Variants in GRM5 observed in about 807,000 individuals in gnomAD.
GRM5 encodes glutamate metabotropic receptor 5.
GRM5 carries 19 observed loss-of-function variants against 83.1 expected under a neutral mutation model. That is an observed-to-expected ratio of 0.23 (90% CI 0.16 to 0.34). GRM5 has a LOEUF of 0.34. Ranked by LOEUF, GRM5 falls within the 10% of genes least tolerant of loss-of-function variation. The probability of loss-of-function intolerance (pLI) is 1.00; values close to 1 mark genes in which losing one functional copy is unlikely to be tolerated. For missense variants in GRM5, 1,160 were observed against 1,588.3 expected, an observed-to-expected ratio of 0.73 and a Z score of 4.58; for synonymous variants, 675 against 633.6, an observed-to-expected ratio of 1.07 and a Z score of -0.98.
intron 3 of GRM5, among the ~76,000 whole-genome samples, chr11:88,780,531 C>A (rs1942953888): frequency 6.6e-6 from 1 of 152,066 alleles, no homozygotes; most frequent in South Asian, 2.1e-4. Context: ...AATAATAGTA[C>A]TGAACACTTC....
intron 9 of GRM5, among the ~76,000 whole-genome samples, chr11:88,513,234 C>G (rs921067643): frequency 2.6e-5 from 4 of 152,148 alleles, no homozygotes; most frequent in African/African-American, 9.7e-5. Flanking sequence ...CTTGATGGGA[C>G]ATTATGAAGG....
At chr11:88,648,364 G>C (rs370955992) in intron 4 of GRM5, among the ~76,000 whole-genome samples, 2,940 of 146,476 alleles carry the variant, frequency 0.02, 81 homozygotes, top group East Asian at 0.12. Flanking sequence ...GGACATGGAT[G>C]AAATTGGAAA....
intron 3 of GRM5, among the ~76,000 whole-genome samples, chr11:88,657,872 T>G (rs1252664969): frequency 3.3e-5 from 5 of 152,204 alleles, no homozygotes; most frequent in Non-Finnish European, 7.3e-5. Context: ...CAGAAGTTTA[T>G]TTCAGCCTTT....
intron 2 of GRM5, among the ~76,000 whole-genome samples, chr11:88,956,698 C>T (rs904914735): frequency 1.3e-5 from 2 of 152,066 alleles, no homozygotes; most frequent in African/African-American, 2.4e-5. Flanking sequence ...CCCAGCTCCT[C>T]GAGAGGCTGA....
At chr11:88,845,916 C>T (rs1374192627) in intron 3 of GRM5, among the ~76,000 whole-genome samples, 1 of 152,076 alleles carries the variant, frequency 6.6e-6, no homozygotes, top group Non-Finnish European at 1.5e-5. Context: ...TAATATCTAC[C>T]TCTGGGGAAT....
At position 88,808,955 on chromosome 11, in the gene GRM5, C is replaced by A. The variant is rs563014608; in HGVS notation, c.911+40951G>T. On this transcript the variant is annotated intron_variant, in intron 3 of 9. Coordinates refer to ENST00000305447, the MANE Select transcript of GRM5 (RefSeq NM_001143831.3). ...GCATCCATGTTCCACTAATTAACATCCTTGTATATCCATGGGGAAGAATAG... is the reference window on the plus strand; with the variant it reads ...GCATCCATGTTCCACTAATTAACATACTTGTATATCCATGGGGAAGAATAG... Among the ~76,000 whole-genome samples the A allele has an allele frequency of 3.3e-5, 5 of 152,112 alleles. No homozygotes were observed. The South Asian group carries it at 1.0e-3, about 32-fold the overall frequency.
chr11:88,630,337 C>T (rs1366831820), intron 4 of GRM5, among the ~76,000 whole-genome samples: 1 of 152,058 alleles, frequency 6.6e-6, no homozygotes, highest in Non-Finnish European at 1.5e-5. Context: ...TCTAAAATGC[C>T]TACTGATACA....
intron 4 of GRM5, among the ~76,000 whole-genome samples, chr11:88,606,984 T>C (rs1322277341): frequency 2.0e-5 from 3 of 147,476 alleles, no homozygotes; most frequent in Admixed American, 6.8e-5. Context: ...ACAACAACTC[T>C]CCAAAGGTAG....
chr11:88,907,456 A>C (rs1407319793), intron 2 of GRM5, among the ~76,000 whole-genome samples: 1 of 152,208 alleles, frequency 6.6e-6, no homozygotes, highest in African/African-American at 2.4e-5. Context: ...GAATTCTGAA[A>C]ATAGAACAAA....
At chr11:89,012,048 T>C (rs1386378746) in intron 2 of GRM5, among the ~76,000 whole-genome samples, 2 of 152,148 alleles carry the variant, frequency 1.3e-5, no homozygotes, top group African/African-American at 2.4e-5. Context: ...ATGGATACAT[T>C]TTTTATAATG....
chr11:88,882,354 A>G (rs1177732037), intron 2 of GRM5, among the ~76,000 whole-genome samples: 2 of 150,888 alleles, frequency 1.3e-5, no homozygotes, highest in Admixed American at 6.6e-5. Context: ...GATCGAGACC[A>G]TCCTGGCTAA....
intron 2 of GRM5, among the ~76,000 whole-genome samples, chr11:88,927,477 T>A (rs1190782902): frequency 3.9e-5 from 6 of 152,188 alleles, no homozygotes; most frequent in Admixed American, 2.6e-4. Context: ...GAAGAGTACA[T>A]GTTAAAGGCC....
At chr11:89,026,503 A>T (rs989503885) in intron 2 of GRM5, among the ~76,000 whole-genome samples, 1 of 152,196 alleles carries the variant, frequency 6.6e-6, no homozygotes, top group Admixed American at 6.5e-5. Flanking sequence ...TGGAGTGAGA[A>T]ACATCTAAAA....
chr11:88,608,239 T>C (rs1256405321), intron 4 of GRM5, among the ~76,000 whole-genome samples: 1 of 152,136 alleles, frequency 6.6e-6, no homozygotes, highest in African/African-American at 2.4e-5. Context: ...CACAAGTTGG[T>C]AACCAGTGCA....
chr11:88,746,585 A>C (rs1473843233), intron 3 of GRM5, among the ~76,000 whole-genome samples: 2 of 151,046 alleles, frequency 1.3e-5, no homozygotes, highest in Non-Finnish European at 2.9e-5. Context: ...AAAAAAAAAT[A>C]AGCTTAAGCC....
intron 3 of GRM5, among the ~76,000 whole-genome samples, chr11:88,822,174 T>G (rs1010973836): frequency 6.6e-6 from 1 of 152,194 alleles, no homozygotes; most frequent in Non-Finnish European, 1.5e-5. Flanking sequence ...ATATATGTCC[T>G]CTGGAATTTA....
chr11:88,669,284 A>T lies in GRM5; in HGVS notation c.912-15881T>A, dbSNP rs539266026. 3.9e-5 allele frequency among the ~76,000 whole-genome samples: 6 copies of T among 152,264 alleles called. No homozygotes were observed. The South Asian group carries it at 1.2e-3, about 32-fold the overall frequency. On this transcript the variant is annotated intron_variant, in intron 3 of 9. Coordinates refer to ENST00000305447, the MANE Select transcript of GRM5 (RefSeq NM_001143831.3). ...TTAAAGAAAACGTGACAAATTCAAC[A>T]TCATTCTGATAAAATGACCTTGGCA... is the stretch of plus-strand genomic sequence containing the variant.
intron 3 of GRM5, among the ~76,000 whole-genome samples, chr11:88,808,607 T>C (rs1025216273): frequency 6.6e-6 from 1 of 152,016 alleles, no homozygotes. Context: ...AAAGCCACAT[T>C]GTAACATAGT....
intron 8 of GRM5, among the ~76,000 whole-genome samples, chr11:88,526,402 C>G (rs1941878568): frequency 6.6e-6 from 1 of 152,134 alleles, no homozygotes; most frequent in Non-Finnish European, 1.5e-5. Context: ...GATGAGGAAG[C>G]TAGATTTACT....
Sources: gnomAD v4.1 joint callset for allele counts (sites outside exome capture counted in the v4.1 genomes callset) on GRCh38, gnomAD v4.1.1 for gene constraint, MANE v1.5 for transcripts, NCBI Gene and HGNC (gene_info 2026-07-23, HGNC 2026-07-21) for gene names.